Variants in GAREM1 observed in about 807,000 individuals in gnomAD.
GAREM1 encodes GRB2 associated regulator of MAPK1 subtype 1, also known as GRB2-associated and regulator of MAPK protein 1.
Under a neutral mutation model 71.3 loss-of-function variants are expected in GAREM1, and 26 were observed. The observed-to-expected ratio is 0.36, with a 90% CI of 0.27 to 0.51. GAREM1 has a LOEUF of 0.51. GAREM1 is among the 20% of genes least tolerant of loss of function. The probability of loss-of-function intolerance (pLI) is 0.95; values close to 1 mark genes in which losing one functional copy is unlikely to be tolerated. For missense variants in GAREM1, 1,026 were observed against 1,103.1 expected (o/e 0.93, Z 0.99); for synonymous variants, 440 against 433.2 (o/e 1.02, Z -0.20).
At chr18:32,307,742 T>TG (rs2047270649) in intron 3 of GAREM1, among the ~76,000 whole-genome samples, 1 of 152,072 alleles carries the variant, frequency 6.6e-6, no homozygotes, top group African/African-American at 2.4e-5. Flanking sequence ...AGGCTGGTCT[T>TG]GAACTCCTGA....
intron 2 of GAREM1, among the ~76,000 whole-genome samples, chr18:32,337,163 C>T (rs906971448): frequency 2.0e-5 from 3 of 152,188 alleles, no homozygotes; most frequent in Admixed American, 2.0e-4. Flanking sequence ...GGCACAAATA[C>T]ATTGGGAAAT....
At chr18:32,389,037 T>C (rs1010769187) in intron 2 of GAREM1, among the ~76,000 whole-genome samples, 2 of 152,188 alleles carry the variant, frequency 1.3e-5, no homozygotes, top group Non-Finnish European at 2.9e-5. Flanking sequence ...AGCATATTTG[T>C]CTGTATTTGT....
chr18:32,445,325 CA>C (rs202060760), intron 1 of GAREM1, among the ~76,000 whole-genome samples: 2 of 149,694 alleles, frequency 1.3e-5, no homozygotes, highest in South Asian at 4.2e-4. Flanking sequence ...CCCGCCCCTG[CA>C]AAAAAAAGGC....
At chr18:32,338,522 G>A (rs1346843013) in intron 2 of GAREM1, among the ~76,000 whole-genome samples, 1 of 152,096 alleles carries the variant, frequency 6.6e-6, no homozygotes, top group Non-Finnish European at 1.5e-5. Flanking sequence ...TTTTAGTTTT[G>A]TAATACAAAC....
At chr18:32,452,457 A>G (rs143680608) in intron 1 of GAREM1, among the ~76,000 whole-genome samples, 15 of 152,338 alleles carry the variant, frequency 9.8e-5, no homozygotes, top group African/African-American at 3.4e-4. Context: ...TTCCCTCTTT[A>G]AAACCTCACA....
intron 4 of GAREM1, among the ~76,000 whole-genome samples, chr18:32,285,685 C>T (rs1439013174): frequency 1.3e-5 from 2 of 152,230 alleles, no homozygotes; most frequent in African/African-American, 4.8e-5. Context: ...CACATTATCT[C>T]TCTCTTGTTT....
chr18:32,292,161 C>T (rs930206428), intron 3 of GAREM1, among the ~76,000 whole-genome samples: 2 of 152,092 alleles, frequency 1.3e-5, no homozygotes, highest in African/African-American at 2.4e-5. Flanking sequence ...CTGTTGTTTC[C>T]TGATTTTTAA....
chr18:32,277,460 T>C (rs1013076999), intron 4 of GAREM1, among the ~76,000 whole-genome samples: 2 of 152,070 alleles, frequency 1.3e-5, no homozygotes, highest in Non-Finnish European at 2.9e-5. Context: ...AAAAATAAAT[T>C]AATGGTAGCA....
At chr18:32,400,366 T>C (rs1353861314) in intron 1 of GAREM1, among the ~76,000 whole-genome samples, 2 of 152,090 alleles carry the variant, frequency 1.3e-5, no homozygotes, top group East Asian at 1.9e-4. Flanking sequence ...CAAAAGAAAC[T>C]ACCATCAGAG....
At chr18:32,465,637 G>T (rs1247563079) in intron 1 of GAREM1, among the ~76,000 whole-genome samples, 2 of 152,092 alleles carry the variant, frequency 1.3e-5, no homozygotes, top group African/African-American at 4.8e-5. Context: ...AGCAAACAGG[G>T]CCATTAACAC....
chr18:32,401,187 G>A (rs1386303548), intron 1 of GAREM1, among the ~76,000 whole-genome samples: 2 of 152,108 alleles, frequency 1.3e-5, no homozygotes, highest in Non-Finnish European at 2.9e-5. Context: ...GGGTTGGGGG[G>A]AGAGGGGAGG....
chr18:32,434,467 A>G (rs55641647), intron 1 of GAREM1, among the ~76,000 whole-genome samples: 18,528 of 152,012 alleles, frequency 0.12, 1,475 homozygotes, highest in East Asian at 0.32. Flanking sequence ...GTGCTGTGTC[A>G]GAAAGTAAGA....
chr18:32,363,995 CATATATATATATATATATATAT>C (rs766095412), intron 2 of GAREM1, among the ~76,000 whole-genome samples: 5 of 21,330 alleles, frequency 2.3e-4, no homozygotes, highest in African/African-American at 4.4e-4. Flanking sequence ...TACATATATA[CATATATATATATATATATATAT>C]ATATATATAT....
chr18:32,440,724 C>T (rs1197744717), intron 1 of GAREM1, among the ~76,000 whole-genome samples: 1 of 152,194 alleles, frequency 6.6e-6, no homozygotes, highest in Non-Finnish European at 1.5e-5. Context: ...CTGTAGACAA[C>T]AGTGGCATTC....
At chr18:32,282,327 G>A (rs1335413225) in intron 4 of GAREM1, among the ~76,000 whole-genome samples, 1 of 152,224 alleles carries the variant, frequency 6.6e-6, no homozygotes, top group Non-Finnish European at 1.5e-5. Flanking sequence ...TTGGGAGGCT[G>A]AGGCAGGGGA....
At chr18:32,344,645 T>C (rs923819890) in intron 2 of GAREM1, among the ~76,000 whole-genome samples, 1 of 152,172 alleles carries the variant, frequency 6.6e-6, no homozygotes, top group Non-Finnish European at 1.5e-5. Flanking sequence ...TAACTAAAGA[T>C]TTCTGGTACA....
intron 2 of GAREM1, among the ~76,000 whole-genome samples, chr18:32,343,067 C>T (rs988159200): frequency 1.3e-5 from 2 of 152,326 alleles, no homozygotes; most frequent in East Asian, 3.9e-4. Flanking sequence ...AAGAACATTG[C>T]TAACTTGTTT....
intron 2 of GAREM1, among the ~76,000 whole-genome samples, chr18:32,333,470 G>C (rs1285907187): frequency 6.6e-6 from 1 of 152,194 alleles, no homozygotes; most frequent in African/African-American, 2.4e-5. Context: ...TATGTCAGAA[G>C]CCAAGTTTCA....
At chr18:32,272,537 A>G (rs1309039242) in intron 4 of GAREM1, among the ~76,000 whole-genome samples, 1 of 152,134 alleles carries the variant, frequency 6.6e-6, no homozygotes, top group African/African-American at 2.4e-5. Context: ...TGCAGAAAGG[A>G]TGCCCGGGAG....
Sources: gnomAD v4.1 joint callset for allele counts (sites outside exome capture counted in the v4.1 genomes callset) on GRCh38, gnomAD v4.1.1 for gene constraint, MANE v1.5 for transcripts, NCBI Gene and HGNC (gene_info 2026-07-23, HGNC 2026-07-21) for gene names.